Variants in SOX6 observed in about 807,000 individuals in gnomAD.
The protein encoded by SOX6 is SRY-box transcription factor 6, also known as transcription factor SOX-6.
In SOX6, 11 loss-of-function variants were observed where a neutral mutation model predicts 97.8. That is an observed-to-expected ratio of 0.11 (90% CI 0.07 to 0.19). The LOEUF is 0.19. SOX6 is among the 10% of genes least tolerant of loss of function. The pLI is 1.00. For missense variants in SOX6, 810 were observed against 1,039.5 expected, an observed-to-expected ratio of 0.78 and a Z score of 3.04; for synonymous variants, 360 against 371.4, an observed-to-expected ratio of 0.97 and a Z score of 0.35.
At chr11:16,158,317 T>C (rs1270254885) in intron 6 of SOX6, among the ~76,000 whole-genome samples, 1 of 151,972 alleles carries the variant, frequency 6.6e-6, no homozygotes, top group African/African-American at 2.4e-5. Context: ...TTGGTGTATA[T>C]ATTATGTTCT....
intron 4 of SOX6, among the ~76,000 whole-genome samples, chr11:16,203,485 T>G (rs571918342): frequency 1.3e-5 from 2 of 152,252 alleles, no homozygotes; most frequent in Non-Finnish European, 2.9e-5. Context: ...CAAAACACTT[T>G]CAAGGTTTAA....
intron 9 of SOX6, among the ~76,000 whole-genome samples, chr11:16,071,039 G>C (rs1199702170): frequency 6.6e-6 from 1 of 152,210 alleles, no homozygotes; most frequent in Non-Finnish European, 1.5e-5. Context: ...TACCAGACAG[G>C]GCTCAGCACC....
intron 2 of SOX6, among the ~76,000 whole-genome samples, chr11:16,732,918 G>A: frequency 6.6e-6 from 1 of 152,208 alleles, no homozygotes; most frequent in East Asian, 1.9e-4. Flanking sequence ...ATCAAAAAGT[G>A]GGTGAAGGAT....
In SOX6 at chr11:16,318,602, T is replaced by C. The variant is rs1160558417; in HGVS notation, c.289A>G (p.Thr97Ala). 1 of 1,613,562 alleles carries C rather than the reference T, an allele frequency of 6.2e-7. No individual in the cohort carries two copies. Among genetic ancestry groups the C allele is most frequent in the East Asian group, 2.2e-5 (1 of 44,854 alleles). The change falls in exon 3 of 16, where the codon ACC becomes GCC. Residue 97 changes from threonine to alanine, a missense_variant. Around this residue, in one of 9 missense-constraint regions of SOX6, gnomAD observed 46 missense variants for 84.1 expected, o/e 0.55. Transcript: ENST00000683767. ...CCTTCGTCAGGCTTATGTGGTGAGG[T>C]AGAGGTATTTCGGAAGGAATATAGG... The part of the protein sequence containing the change: ...CSLYSFRNTS[T>A]SPHKPDEGSR...
intron 4 of SOX6, among the ~76,000 whole-genome samples, chr11:16,557,493 T>C (rs1218223415): frequency 6.6e-6 from 1 of 151,838 alleles, no homozygotes; most frequent in Non-Finnish European, 1.5e-5. Flanking sequence ...TACCTTTCTT[T>C]TGTAAAGTTT....
intron 3 of SOX6, among the ~76,000 whole-genome samples, chr11:16,687,663 T>A (rs1256860307): frequency 6.6e-6 from 1 of 152,198 alleles, no homozygotes; most frequent in Non-Finnish European, 1.5e-5. Flanking sequence ...GGCAATAGAT[T>A]TATAGGTTGA....
chr11:16,177,112 A>C (rs1851209498), intron 6 of SOX6, among the ~76,000 whole-genome samples: 1 of 151,954 alleles, frequency 6.6e-6, no homozygotes, highest in African/African-American at 2.4e-5. Flanking sequence ...TATTATCACC[A>C]ATACTTCATA....
intron 3 of SOX6, among the ~76,000 whole-genome samples, chr11:16,642,960 G>T (rs1157422874): frequency 6.6e-6 from 1 of 152,198 alleles, no homozygotes; most frequent in Non-Finnish European, 1.5e-5. Flanking sequence ...CTGGTGAGGA[G>T]GTGCGTTCCT....
rs1282922025 is a variant in SOX6 at position 16,132,473 on chromosome 11, A to C, written c.778-20550T>G. On this transcript the variant is annotated intron_variant, in intron 6 of 15. Transcript: ENST00000683767. ...GAAAGAAAGAAAGAAAGAAAGAAAGAAAGAAAGAAAGAAAGAAAGAAAGAA... is the reference window on the plus strand; with the variant it reads ...GAAAGAAAGAAAGAAAGAAAGAAAGCAAGAAAGAAAGAAAGAAAGAAAGAA... 6.9e-5 allele frequency among the ~76,000 whole-genome samples: 10 copies of C among 145,366 alleles called. 1 individual carries two copies. Among genetic ancestry groups the C allele is most frequent in the African/African-American group, 2.6e-4 (10 of 39,104 alleles).
intron 4 of SOX6, among the ~76,000 whole-genome samples, chr11:16,540,892 C>A (rs1158744272): frequency 6.6e-6 from 1 of 152,158 alleles, no homozygotes; most frequent in African/African-American, 2.4e-5. Context: ...AATGGCCATA[C>A]TGCCCAAGGT....
rs145730789 is a variant in SOX6, at chr11:16,522,615, A to G, written n.610-46227T>C. 7.0e-3 allele frequency among the ~76,000 whole-genome samples: 1,073 copies of G among 152,266 alleles called. 28 individuals carry two copies. The highest frequency in any genetic ancestry group is 0.062 in the East Asian group (321 of 5,174). On this transcript the variant is annotated intron_variant and non_coding_transcript_variant, in intron 4 of 5. Transcript: ENST00000524520. ...AGCTAACATCATAATGACACGATCA[A>G]ATTCACACATAACAATAATAACTTT...
At chr11:16,521,258 G>A (rs901643008) in intron 4 of SOX6, among the ~76,000 whole-genome samples, 24 of 152,260 alleles carry the variant, frequency 1.6e-4, no homozygotes, top group African/African-American at 5.3e-4. Flanking sequence ...CACCTCACAC[G>A]GCCGGGTACT....
chr11:16,302,690 C>T (rs917550544), intron 3 of SOX6, among the ~76,000 whole-genome samples: 1 of 151,346 alleles, frequency 6.6e-6, no homozygotes, highest in Admixed American at 6.6e-5. Flanking sequence ...CTGCCACAGC[C>T]GCCTGTGTAG....
chr11:16,148,200 T>C (rs1564983195), intron 6 of SOX6, among the ~76,000 whole-genome samples: 1 of 152,190 alleles, frequency 6.6e-6, no homozygotes, highest in Non-Finnish European at 1.5e-5. Context: ...ATTCTGCCAA[T>C]CAGTTGTTGA....
At chr11:16,069,983 G>A (rs992332855) in intron 9 of SOX6, among the ~76,000 whole-genome samples, 23 of 151,918 alleles carry the variant, frequency 1.5e-4, no homozygotes, top group African/African-American at 5.6e-4. Flanking sequence ...GTGAAACCCC[G>A]TCTCTACTAA....
At chr11:16,309,088 C>T (rs571824199) in intron 3 of SOX6, among the ~76,000 whole-genome samples, 9 of 152,290 alleles carry the variant, frequency 5.9e-5, no homozygotes, top group African/African-American at 2.2e-4. Flanking sequence ...ATTGCAGCAG[C>T]AACTTCTTTG....
intron 2 of SOX6, among the ~76,000 whole-genome samples, chr11:16,333,053 G>T (rs1335020216): frequency 3.9e-5 from 6 of 152,152 alleles, no homozygotes; most frequent in Non-Finnish European, 8.8e-5. Context: ...AATAACGAGA[G>T]ACAGCCCTTT....
chr11:16,564,714 G>A (rs1467341382), intron 4 of SOX6, among the ~76,000 whole-genome samples: 1 of 151,682 alleles, frequency 6.6e-6, no homozygotes, highest in East Asian at 1.9e-4. Flanking sequence ...TAATCCATGA[G>A]TCAAAAAAAA....
intron 2 of SOX6, among the ~76,000 whole-genome samples, chr11:16,725,249 C>T (rs12421640): frequency 0.16 from 24,815 of 152,208 alleles, 2,672 homozygotes; most frequent in East Asian, 0.32. Context: ...AGTGGCTGGG[C>T]GCAGTGGCTG....
Sources: gnomAD v4.1 joint callset for allele counts (sites outside exome capture counted in the v4.1 genomes callset) on GRCh38, gnomAD v4.1.1 for gene constraint, gnomAD v4.1.1 regional missense constraint, MANE v1.5 for transcripts, NCBI Gene and HGNC (gene_info 2026-07-23, HGNC 2026-07-21) for gene names.